The following FHIT variants were observed in gnomAD, a reference collection of about 807,000 sequenced individuals.
The protein encoded by FHIT is bis(5'-adenosyl)-triphosphatase.
In FHIT, 19 loss-of-function variants were observed where a neutral mutation model predicts 17.9. The ratio of observed to expected loss-of-function variants is 1.06; its 90% CI spans 0.74 to 1.56. The LOEUF is 1.56. FHIT is among the 40% of genes most tolerant of loss of function. The pLI, the probability that FHIT is intolerant of heterozygous loss-of-function variation, is 0.00. For synonymous variants in FHIT, 81 were observed against 69.7 expected (o/e 1.16, Z -0.81); for missense variants, 248 against 189.2 (o/e 1.31, Z -1.82).
intron 3 of FHIT, among the ~76,000 whole-genome samples, chr3:61,028,240 A>G (rs896639556): frequency 2.0e-5 from 3 of 152,230 alleles, no homozygotes; most frequent in African/African-American, 7.2e-5. Context: ...CAACTTAGGG[A>G]AAGTCAAGAT....
intron 3 of FHIT, among the ~76,000 whole-genome samples, chr3:61,010,822 G>A (rs560905646): frequency 1.6e-4 from 25 of 152,326 alleles, no homozygotes; most frequent in Middle Eastern, 3.4e-3. Flanking sequence ...GGAAGGAGAA[G>A]TAGATAATAT....
At chr3:60,337,655 G>A (rs530107810) in intron 5 of FHIT, among the ~76,000 whole-genome samples, 4 of 152,058 alleles carry the variant, frequency 2.6e-5, no homozygotes, top group South Asian at 2.1e-4. Context: ...GTGCTGTCTC[G>A]TACACCCCAC....
chr3:59,795,806 G>C (rs1354369299), intron 8 of FHIT, among the ~76,000 whole-genome samples: 2 of 152,214 alleles, frequency 1.3e-5, no homozygotes, highest in Non-Finnish European at 1.5e-5. Context: ...GTGCAGCACA[G>C]AGCTCCATCG....
chr3:60,829,418 T>A lies in FHIT; in HGVS notation c.-110-7407A>T, dbSNP rs112487555. Among the ~76,000 whole-genome samples, 70 of 152,348 alleles carry A rather than the reference T, an allele frequency of 4.6e-4. 1 individual carries two copies. Among genetic ancestry groups the A allele is most frequent in the Middle Eastern group, 3.4e-3 (1 of 294 alleles). On this transcript the variant is annotated intron_variant, in intron 3 of 9. Coordinates refer to ENST00000492590, the MANE Select transcript of FHIT (RefSeq NM_002012.4). ...TGGATATCTACAACCAAATTTAGTT[T>A]ATTCCATGGGCCTACCAACTTATAC...
intron 4 of FHIT, among the ~76,000 whole-genome samples, chr3:60,557,005 A>C (rs920600740): frequency 6.6e-6 from 1 of 152,258 alleles, no homozygotes; most frequent in Non-Finnish European, 1.5e-5. Context: ...CCATTCCGTT[A>C]GAAAACTTGT....
intron 1 of FHIT, among the ~76,000 whole-genome samples, 184 bp downstream of exon 1, chr3:61,251,117 T>C (rs1339200219): frequency 1.3e-5 from 2 of 152,000 alleles, no homozygotes; most frequent in East Asian, 3.9e-4. Context: ...TGCTTGGGAA[T>C]TGGGGGGCCC....
chr3:61,190,516 A>G (rs2038680082), intron 2 of FHIT, among the ~76,000 whole-genome samples: 1 of 152,220 alleles, frequency 6.6e-6, no homozygotes, highest in Non-Finnish European at 1.5e-5. Context: ...TGTGGAAGTC[A>G]GTGTGGTGAT....
chr3:59,836,373 T>A (rs4375999), intron 8 of FHIT, among the ~76,000 whole-genome samples: 12,436 of 152,138 alleles, frequency 0.082, 1,597 homozygotes, highest in African/African-American at 0.28. Context: ...ACATTTGTGC[T>A]GGTTTGGATA....
chr3:60,560,476 C>T (rs2036897640), intron 4 of FHIT, among the ~76,000 whole-genome samples: 1 of 152,060 alleles, frequency 6.6e-6, no homozygotes, highest in Non-Finnish European at 1.5e-5. Flanking sequence ...CCAGTAGTGC[C>T]TGGAAATTCT....
chr3:59,755,594 A>G (rs77116651), intron 8 of FHIT, among the ~76,000 whole-genome samples: 2,349 of 152,290 alleles, frequency 0.015, 60 homozygotes, highest in African/African-American at 0.053. Context: ...GAGGGCGGTG[A>G]CTACTTGTTA....
chr3:59,956,998 C>T (rs1342574674), intron 7 of FHIT, among the ~76,000 whole-genome samples: 2 of 152,172 alleles, frequency 1.3e-5, no homozygotes, highest in Non-Finnish European at 2.9e-5. Context: ...CCATTTCTGC[C>T]TCTCAAATTA....
chr3:60,014,767 T>A (rs1700277690), intron 5 of FHIT, among the ~76,000 whole-genome samples: 1 of 152,226 alleles, frequency 6.6e-6, no homozygotes, highest in Non-Finnish European at 1.5e-5. Context: ...GACTAATTTT[T>A]TTTTTAGAAT....
chr3:59,834,539 G>C (rs1471296867), intron 8 of FHIT, among the ~76,000 whole-genome samples: 2 of 152,160 alleles, frequency 1.3e-5, no homozygotes, highest in Non-Finnish European at 2.9e-5. Context: ...TCCAAGATCA[G>C]AGTGCTAGTA....
At chr3:60,045,223 G>C (rs139647435) in intron 5 of FHIT, among the ~76,000 whole-genome samples, 1 of 152,152 alleles carries the variant, frequency 6.6e-6, no homozygotes, top group African/African-American at 2.4e-5. Context: ...ACTTAAAATG[G>C]TTAAAATGAT....
chr3:61,088,110 C>G (rs1464081701), intron 2 of FHIT, among the ~76,000 whole-genome samples: 3 of 152,054 alleles, frequency 2.0e-5, no homozygotes, highest in Non-Finnish European at 2.9e-5. Context: ...GATACCTAGC[C>G]CTAGATCACT....
At chr3:60,814,864 A>T (rs1309991272) in intron 4 of FHIT, among the ~76,000 whole-genome samples, 3 of 149,188 alleles carry the variant, frequency 2.0e-5, no homozygotes, top group Admixed American at 6.6e-5. Flanking sequence ...AGCCTCACCA[A>T]CATGTGGTTT....
intron 5 of FHIT, among the ~76,000 whole-genome samples, chr3:60,483,381 G>C (rs572889480): frequency 6.6e-6 from 1 of 151,986 alleles, no homozygotes; most frequent in Admixed American, 6.6e-5. Context: ...AGTGAAAAAA[G>C]AAACTGTAGG....
intron 8 of FHIT, among the ~76,000 whole-genome samples, chr3:59,870,839 TCATC>T (rs1310267211): frequency 2.0e-5 from 3 of 150,876 alleles, no homozygotes; most frequent in Non-Finnish European, 4.4e-5. Context: ...ACTTCTCAAA[TCATC>T]CATAGTAAAG....
intron 5 of FHIT, among the ~76,000 whole-genome samples, chr3:60,162,687 C>T (rs1700992751): frequency 6.6e-6 from 1 of 152,128 alleles, no homozygotes; most frequent in African/African-American, 2.4e-5. Context: ...CGCTAGCAAT[C>T]ACAATTAATA....
Sources: allele counts gnomAD v4.1 joint callset (sites outside exome capture counted in the v4.1 genomes callset), GRCh38; gene constraint gnomAD v4.1.1; transcripts MANE v1.5; gene names NCBI Gene and HGNC (gene_info 2026-07-23, HGNC 2026-07-21).